Variants in ZFAT observed in about 807,000 individuals in gnomAD.
The protein encoded by ZFAT is zinc finger protein ZFAT.
In ZFAT, 64 loss-of-function variants were observed where a neutral mutation model predicts 117.7. The ratio of observed to expected loss-of-function variants is 0.54; its 90% CI spans 0.44 to 0.67. The LOEUF (loss-of-function observed/expected upper bound fraction) is 0.67, where lower values mean the gene tolerates loss of function less well. Among genes scored for constraint, ZFAT ranks in the 30% least tolerant of loss-of-function variants. The pLI, the probability that ZFAT is intolerant of heterozygous loss-of-function variation, is 0.00. For synonymous variants in ZFAT, 679 were observed against 615.0 expected (o/e 1.10, Z -1.54); for missense variants, 1,433 against 1,584.5 (o/e 0.90, Z 1.62).
intron 11 of ZFAT, among the ~76,000 whole-genome samples, chr8:134,553,053 G>T (rs542827441): frequency 1.3e-5 from 2 of 152,384 alleles, no homozygotes; most frequent in Non-Finnish European, 2.9e-5. Context: ...GGAAAGAATG[G>T]TGGGGCAAGG....
intron 1 of ZFAT, among the ~76,000 whole-genome samples, chr8:134,658,985 T>G (rs1046391887): frequency 6.6e-6 from 1 of 152,230 alleles, no homozygotes. Context: ...ACCCATGGTG[T>G]GCCCTCGCCC....
chr8:134,779,713 C>A, the ZFAT span, among the ~76,000 whole-genome samples: 2 of 152,098 alleles, frequency 1.3e-5, no homozygotes, highest in Admixed American at 6.6e-5. Flanking sequence ...GAAAAAAAGC[C>A]TTTAAAACCA....
intron 7 of ZFAT, among the ~76,000 whole-genome samples, chr8:134,590,966 G>A (rs1033346294): frequency 4.6e-5 from 7 of 152,284 alleles, no homozygotes; most frequent in Middle Eastern, 6.8e-3. Flanking sequence ...TGGGGAGCTC[G>A]AGAGTAGGGG....
chr8:134,518,288 C>T (rs1395173822), intron 13 of ZFAT, among the ~76,000 whole-genome samples: 3 of 152,096 alleles, frequency 2.0e-5, no homozygotes, highest in African/African-American at 7.2e-5. Flanking sequence ...GGGATGGTTT[C>T]CTAACAGTTG....
intron 4 of ZFAT, among the ~76,000 whole-genome samples, chr8:134,609,153 T>C (rs894488365): frequency 2.0e-5 from 3 of 148,664 alleles, no homozygotes; most frequent in African/African-American, 7.3e-5. Flanking sequence ...AAAGTACACA[T>C]ATACACACAC....
the ZFAT span, chr8:134,723,522 C>T: frequency 1.3e-5 from 2 of 152,304 alleles, no homozygotes; most frequent in Admixed American, 6.5e-5. Context: ...GAGGAGTCCA[C>T]CTTCAGCAAG....
chr8:134,780,112 C>T, the ZFAT span, among the ~76,000 whole-genome samples: 1 of 152,316 alleles, frequency 6.6e-6, no homozygotes, highest in African/African-American at 2.4e-5. Flanking sequence ...ATGTATGTTA[C>T]ATTACAGGCT....
chr8:134,633,725 C>T (rs2315838), intron 3 of ZFAT, among the ~76,000 whole-genome samples: 110,043 of 152,164 alleles, frequency 0.72, 40,152 homozygotes, highest in East Asian at 0.91. Flanking sequence ...CCTTAGTTTG[C>T]TCTTCTATAA....
intron 11 of ZFAT, among the ~76,000 whole-genome samples, chr8:134,563,163 G>A (rs945524817): frequency 6.6e-6 from 1 of 152,204 alleles, no homozygotes; most frequent in African/African-American, 2.4e-5. Context: ...TAACGCTAAA[G>A]ACGCTTCTTG....
the ZFAT span, among the ~76,000 whole-genome samples, chr8:134,729,563 G>A: frequency 6.6e-6 from 1 of 152,134 alleles, no homozygotes; most frequent in African/African-American, 2.4e-5. Flanking sequence ...TCGATCTCCT[G>A]ACCTTGTGAT....
chr8:134,713,918 G>T (rs532573977), upstream of ZFAT, among the ~76,000 whole-genome samples: 14 of 151,766 alleles, frequency 9.2e-5, no homozygotes, highest in African/African-American at 3.4e-4. Flanking sequence ...GTTAGCCTCA[G>T]AAACAAACTG....
At chr8:134,641,486 G>A (rs1830578319) in intron 2 of ZFAT, among the ~76,000 whole-genome samples, 1 of 152,170 alleles carries the variant, frequency 6.6e-6, no homozygotes, top group Non-Finnish European at 1.5e-5. Flanking sequence ...GGTGTCCCCA[G>A]CTAAGTGAGC....
chr8:134,725,133 C>A, the ZFAT span, among the ~76,000 whole-genome samples: 1 of 152,208 alleles, frequency 6.6e-6, no homozygotes, highest in Non-Finnish European at 1.5e-5. Context: ...ATTAAGGCTA[C>A]CATCCTTCCT....
rs1350238039 is a variant in ZFAT at position 134,625,948 on chromosome 8, C to G, written c.448+11513G>C. The stretch of plus-strand genomic sequence containing the variant: ...CTGAAAATCGCTGCACTTCAGAGAG[C>G]AACTGTAGGATGAGGCCACTCCCTT... On this transcript the variant is annotated intron_variant, in intron 3 of 15. Transcript: ENST00000377838. Among the ~76,000 whole-genome samples the G allele has an allele frequency of 2.0e-5, 3 of 152,336 alleles. No homozygotes were observed. In the East Asian group the frequency reaches 5.8e-4, roughly 29 times the overall value.
At position 134,610,650 on chromosome 8, in the gene ZFAT, C is replaced by G; in HGVS notation, c.454G>C (p.Glu152Gln). ...LGEEEGEAGN[E>Q]SDLELEKKCK... ...TTCTTTTCTAGTTCAAGGTCAGACTCGTTACCTAAGGAGCAAATACCAAGA... is the reference window on the plus strand; with the variant it reads ...TTCTTTTCTAGTTCAAGGTCAGACTGGTTACCTAAGGAGCAAATACCAAGA... The change falls in exon 4 of 16, where the codon GAG becomes CAG. Residue 152 changes from glutamate to glutamine, a missense_variant. Physicochemically the swap from Glu to Gln is conservative, Grantham distance 29 (BLOSUM62 2). This residue lies in a region of ZFAT where 436 missense variants were observed against 482.0 expected (regional missense o/e 0.90). Transcript: ENST00000377838. The G allele has an allele frequency of 6.2e-7, 1 of 1,613,822 alleles. No homozygotes were observed.
chr8:134,726,548 C>T, the ZFAT span, among the ~76,000 whole-genome samples: 1 of 152,170 alleles, frequency 6.6e-6, no homozygotes, highest in Non-Finnish European at 1.5e-5. Context: ...AGTCCTGAGT[C>T]CAACTCCTGA....
the ZFAT span, among the ~76,000 whole-genome samples, chr8:134,720,784 A>T: frequency 2.6e-5 from 4 of 152,250 alleles, no homozygotes; most frequent in South Asian, 8.3e-4. Flanking sequence ...TAGAGTTCAG[A>T]GGTAGCTGCT....
At chr8:134,553,447 G>A (rs6578232) in intron 11 of ZFAT, among the ~76,000 whole-genome samples, 53,604 of 152,036 alleles carry the variant, frequency 0.35, 9,774 homozygotes, top group East Asian at 0.67. Context: ...AAGTTTCAGC[G>A]AGCCGAGATC....
At position 134,478,018 on chromosome 8, in the gene ZFAT, T is replaced by G; in HGVS notation, c.*464A>C. 1 of 174,310 alleles carries G rather than the reference T, an allele frequency of 5.7e-6. No homozygotes were observed. Among genetic ancestry groups the G allele is most frequent in the Non-Finnish European group, 1.2e-5 (1 of 80,568 alleles). 10.8% of individuals were successfully genotyped at this position (174,310 alleles called of 1,614,324 possible). On this transcript the variant is annotated 3_prime_UTR_variant, in exon 16 of 16. Transcript: ENST00000377838. The surrounding 1 kb of genome is among the most constrained non-coding windows in gnomAD (Gnocchi z 5.2). The stretch of plus-strand genomic sequence containing the variant: ...CTACCCCCACCCCACCCAGCAGTGA[T>G]TAAAAACCCGTACGGTCACTTTCTA...
Sources: allele counts gnomAD v4.1 joint callset (sites outside exome capture counted in the v4.1 genomes callset), GRCh38; gene constraint gnomAD v4.1.1; regional missense constraint gnomAD v4.1.1; non-coding constraint Gnocchi (gnomAD v3.1); transcripts MANE v1.5; gene names NCBI Gene and HGNC (gene_info 2026-07-23, HGNC 2026-07-21).